The following CDH18 variants were observed in gnomAD, a reference collection of about 807,000 sequenced individuals.
The protein encoded by CDH18 is cadherin 18.
CDH18 carries 31 observed loss-of-function variants against 67.9 expected under a neutral mutation model. The observed-to-expected ratio is 0.46, with a 90% CI of 0.34 to 0.62. CDH18 has a LOEUF of 0.62. Ranked by LOEUF, CDH18 falls within the 20% of genes least tolerant of loss-of-function variation. The pLI, the probability that CDH18 is intolerant of heterozygous loss-of-function variation, is 0.01. For synonymous variants in CDH18, 362 were observed against 347.2 expected (o/e 1.04, Z -0.48); for missense variants, 890 against 975.5 (o/e 0.91, Z 1.17).
intron 1 of CDH18, among the ~76,000 whole-genome samples, chr5:20,465,883 C>A (rs1057460287): frequency 6.6e-6 from 1 of 151,954 alleles, no homozygotes. Flanking sequence ...ATTTGAAAAA[C>A]TAAAGCTTGA....
chr5:20,219,517 CA>C (rs60170962), intron 2 of CDH18, among the ~76,000 whole-genome samples: 87,315 of 138,832 alleles, frequency 0.63, 26,331 homozygotes, highest in East Asian at 0.72. Flanking sequence ...AAAGACATGT[CA>C]AAAAAAAAAA....
intron 2 of CDH18, among the ~76,000 whole-genome samples, chr5:19,995,841 G>C (rs1735970065): frequency 6.6e-6 from 1 of 151,908 alleles, no homozygotes; most frequent in East Asian, 1.9e-4. Context: ...ACCTTCCATA[G>C]AATATCCTGG....
intron 1 of CDH18, among the ~76,000 whole-genome samples, chr5:20,467,866 C>T (rs1751753948): frequency 6.6e-6 from 1 of 151,872 alleles, no homozygotes; most frequent in South Asian, 2.1e-4. Context: ...TTTACTATTT[C>T]CTTATTTAAT....
In CDH18 at chr5:19,687,698, G is replaced by A. The variant is rs536900533; in HGVS notation, c.643+33649C>T. Reference sequence around the variant, plus strand: ...TGGTGCCACTGCTGCAGCCACTGCCGCCATCTCCAGAGCATGAAGCGTGTA... The same window carrying A: ...TGGTGCCACTGCTGCAGCCACTGCCACCATCTCCAGAGCATGAAGCGTGTA... On this transcript the variant is annotated intron_variant, in intron 5 of 12. Coordinates refer to ENST00000382275, the MANE Select transcript of CDH18 (RefSeq NM_004934.5). Among the ~76,000 whole-genome samples the A allele has an allele frequency of 2.3e-3, 351 of 152,258 alleles. 1 individual carries two copies. Among genetic ancestry groups the A allele is most frequent in the Non-Finnish European group, 3.7e-3 (255 of 68,014 alleles).
chr5:19,655,261 T>A (rs1427396010), intron 5 of CDH18, among the ~76,000 whole-genome samples: 1 of 152,138 alleles, frequency 6.6e-6, no homozygotes, highest in Non-Finnish European at 1.5e-5. Flanking sequence ...TATACACACA[T>A]TCCATGATGA....
intron 3 of CDH18, among the ~76,000 whole-genome samples, chr5:19,800,854 A>C (rs556792699): frequency 6.6e-6 from 1 of 152,198 alleles, no homozygotes. Context: ...CATGTACTAC[A>C]TTCATAATAA....
intron 5 of CDH18, among the ~76,000 whole-genome samples, chr5:19,706,873 T>A (rs948108442): frequency 6.6e-6 from 1 of 152,146 alleles, no homozygotes; most frequent in Non-Finnish European, 1.5e-5. Context: ...ACTCCACATA[T>A]ACAACTGAAT....
intron 1 of CDH18, among the ~76,000 whole-genome samples, chr5:20,386,669 A>C (rs772437547): frequency 2.6e-5 from 4 of 152,180 alleles, no homozygotes; most frequent in Non-Finnish European, 5.9e-5. Context: ...CCTACTTCAC[A>C]TAACCCATAT....
intron 1 of CDH18, among the ~76,000 whole-genome samples, chr5:20,482,687 A>T (rs1752899479): frequency 6.6e-6 from 1 of 152,130 alleles, no homozygotes; most frequent in South Asian, 2.1e-4. Flanking sequence ...TGATAATTTA[A>T]ATTGATGCTG....
chr5:20,447,546 A>T (rs558425343), intron 1 of CDH18, among the ~76,000 whole-genome samples: 1 of 152,176 alleles, frequency 6.6e-6, no homozygotes, highest in Non-Finnish European at 1.5e-5. Context: ...TATACTTCCC[A>T]GCTCTCAGAA....
chr5:20,138,794 A>T (rs1484042665), intron 2 of CDH18, among the ~76,000 whole-genome samples: 1 of 152,118 alleles, frequency 6.6e-6, no homozygotes, highest in African/African-American at 2.4e-5. Flanking sequence ...CCTACAAACC[A>T]CTGCTCAATG....
intron 2 of CDH18, among the ~76,000 whole-genome samples, chr5:20,117,558 T>C (rs1004757003): frequency 5.3e-5 from 8 of 152,300 alleles, no homozygotes; most frequent in African/African-American, 1.9e-4. Context: ...ATAAGTAGGA[T>C]GTAGTTTTAT....
chr5:20,247,255 T>C (rs1196332199), intron 2 of CDH18, among the ~76,000 whole-genome samples: 1 of 152,212 alleles, frequency 6.6e-6, no homozygotes, highest in African/African-American at 2.4e-5. Flanking sequence ...TGGCCCTTCA[T>C]TACTTTCCCT....
At chr5:20,079,847 G>C (rs988889890) in intron 2 of CDH18, among the ~76,000 whole-genome samples, 6 of 152,202 alleles carry the variant, frequency 3.9e-5, no homozygotes, top group Admixed American at 3.9e-4. Flanking sequence ...TCTCGTGTCT[G>C]ATGAGGCCAT....
intron 5 of CDH18, among the ~76,000 whole-genome samples, chr5:19,638,114 T>A (rs1202573708): frequency 6.6e-6 from 1 of 152,254 alleles, no homozygotes; most frequent in Non-Finnish European, 1.5e-5. Flanking sequence ...TATGAATGCT[T>A]ATTCATATTA....
In CDH18 at chr5:19,748,247, T is replaced by C. The variant is rs543393908; in HGVS notation, c.229-1011A>G. Among the ~76,000 whole-genome samples, 224 of 150,492 alleles carry C rather than the reference T, an allele frequency of 1.5e-3. 1 individual carries two copies. The highest frequency in any genetic ancestry group is 5.2e-3 in the African/African-American group (213 of 41,006). On this transcript the variant is annotated intron_variant, in intron 3 of 12. Coordinates refer to ENST00000382275, the MANE Select transcript of CDH18 (RefSeq NM_004934.5). ...ATAAATAGGCTCTCATTTTAATTAA[T>C]TGAAATACAGTAACAAATCTACACT...
chr5:20,157,684 C>T (rs1318404184), intron 2 of CDH18, among the ~76,000 whole-genome samples: 1 of 151,458 alleles, frequency 6.6e-6, no homozygotes, highest in Non-Finnish European at 1.5e-5. Flanking sequence ...GCTCTGTCAC[C>T]CAGGCTGGAG....
intron 10 of CDH18, among the ~76,000 whole-genome samples, chr5:19,508,454 A>G (rs1241348429): frequency 1.3e-5 from 2 of 152,032 alleles, no homozygotes; most frequent in Non-Finnish European, 1.5e-5. Flanking sequence ...TTCTAATTGA[A>G]CCCAAATGTT....
chr5:20,281,508 A>T (rs1746270552), intron 1 of CDH18, among the ~76,000 whole-genome samples: 2 of 152,128 alleles, frequency 1.3e-5, no homozygotes, highest in South Asian at 2.1e-4. Flanking sequence ...GTCAAAGATC[A>T]GATGGTTGTA....
Sources: allele counts gnomAD v4.1 joint callset (sites outside exome capture counted in the v4.1 genomes callset), GRCh38; gene constraint gnomAD v4.1.1; transcripts MANE v1.5; gene names NCBI Gene and HGNC (gene_info 2026-07-23, HGNC 2026-07-21).